HHAT: variants seen among roughly 807,000 people sequenced by gnomAD.
HHAT encodes protein-cysteine N-palmitoyltransferase HHAT.
Under a neutral mutation model 70.8 loss-of-function variants are expected in HHAT, and 47 were observed. That is an observed-to-expected ratio of 0.66 (90% confidence interval 0.53 to 0.85). The LOEUF (loss-of-function observed/expected upper bound fraction) is 0.85. Among genes scored for constraint, HHAT ranks in the 40% least tolerant of loss-of-function variants. The pLI is 0.00. For synonymous variants in HHAT, 228 were observed against 247.6 expected (o/e 0.92, Z 0.74); for missense variants, 609 against 604.8 (o/e 1.01, Z -0.07).
intron 4 of HHAT, among the ~76,000 whole-genome samples, chr1:210,398,838 A>G (rs2091926356): frequency 6.6e-6 from 1 of 152,170 alleles, no homozygotes; most frequent in South Asian, 2.1e-4. Context: ...GTTTGAAGCA[A>G]ATTTATGTGG....
intron 11 of HHAT, among the ~76,000 whole-genome samples, chr1:210,673,755 CTTATTTATTATTTAT>C (rs1256119298): frequency 1.4e-3 from 100 of 70,580 alleles, no homozygotes; most frequent in South Asian, 9.9e-3. Flanking sequence ...CCATGCCTGG[CTTATTTATTATTTAT>C]TTATTTATTT....
At chr1:210,508,049 A>G (rs903638728) in intron 8 of HHAT, among the ~76,000 whole-genome samples, 10 of 151,780 alleles carry the variant, frequency 6.6e-5, no homozygotes, top group Non-Finnish European at 1.5e-4. Context: ...AATACAAAAA[A>G]TTAGCCAGGT....
intron 7 of HHAT, among the ~76,000 whole-genome samples, chr1:210,445,874 G>C (rs558927201): frequency 6.2e-5 from 9 of 144,392 alleles, no homozygotes; most frequent in African/African-American, 2.4e-4. Flanking sequence ...ACAGTTACAG[G>C]CTCTTTTTTT....
intron 10 of HHAT, among the ~76,000 whole-genome samples, chr1:210,605,615 A>G (rs747152967): frequency 1.3e-5 from 2 of 152,206 alleles, no homozygotes; most frequent in African/African-American, 2.4e-5. Context: ...GGCGTGTATT[A>G]TCATTATTCC....
In HHAT at chr1:210,382,193, T is replaced by G. The variant is rs1226755416; in HGVS notation, c.160-5275T>G. On this transcript the variant is annotated intron_variant, in intron 3 of 11. Transcript: ENST00000261458. ...TCCTCATTTGCCAGGAATTTTTTCT[T>G]GTAACTTTCTTCCCTAGTGACATAG... Among the ~76,000 whole-genome samples, 3 of 152,204 alleles carry G rather than the reference T, an allele frequency of 2.0e-5. No individual in the cohort carries two copies. The South Asian group carries it at 6.2e-4, about 32-fold the overall frequency.
At chr1:210,365,812 C>G (rs1411529222) in intron 3 of HHAT, among the ~76,000 whole-genome samples, 1 of 151,944 alleles carries the variant, frequency 6.6e-6, no homozygotes, top group Admixed American at 6.6e-5. Flanking sequence ...GATGGGGTTT[C>G]ACCACGTTGG....
At chr1:210,465,404 A>G (rs2094079259) in intron 8 of HHAT, among the ~76,000 whole-genome samples, 1 of 152,186 alleles carries the variant, frequency 6.6e-6, no homozygotes, top group African/African-American at 2.4e-5. Context: ...CCAGAGTGTA[A>G]CAAGTGACAG....
chr1:210,534,019 C>G (rs568110579), intron 9 of HHAT, among the ~76,000 whole-genome samples: 1 of 152,198 alleles, frequency 6.6e-6, no homozygotes, highest in Admixed American at 6.5e-5. Flanking sequence ...GATGGGGAGC[C>G]AGTGGGGGAA....
At chr1:210,632,329 C>G (rs1434247581) in intron 11 of HHAT, among the ~76,000 whole-genome samples, 1 of 152,148 alleles carries the variant, frequency 6.6e-6, no homozygotes, top group Non-Finnish European at 1.5e-5. Context: ...TATGCGGACA[C>G]ACAAGAAGTG....
intron 8 of HHAT, among the ~76,000 whole-genome samples, chr1:210,466,510 A>T (rs1406236447): frequency 6.6e-6 from 1 of 152,230 alleles, no homozygotes; most frequent in East Asian, 1.9e-4. Flanking sequence ...GGAACATGTC[A>T]CAAGTGTCTG....
At chr1:210,588,676 T>G (rs1242912342) in intron 10 of HHAT, 2 of 152,466 alleles carry the variant, frequency 1.3e-5, no homozygotes, top group Non-Finnish European at 2.9e-5. Context: ...TAAGTGAAAT[T>G]TCCAGGTTCA....
chr1:210,622,805 A>T (rs755820128), intron 10 of HHAT, among the ~76,000 whole-genome samples: 6 of 152,174 alleles, frequency 3.9e-5, no homozygotes, highest in Non-Finnish European at 8.8e-5. Context: ...GGGTCAGTGT[A>T]ACTGGCCCAG....
At chr1:210,616,117 A>G (rs531673021) in intron 10 of HHAT, among the ~76,000 whole-genome samples, 1 of 152,336 alleles carries the variant, frequency 6.6e-6, no homozygotes, top group South Asian at 2.1e-4. Flanking sequence ...CATATTTTGA[A>G]ATGTGTATAC....
At chr1:210,572,070 A>G (rs1359471484) in intron 9 of HHAT, among the ~76,000 whole-genome samples, 1 of 152,162 alleles carries the variant, frequency 6.6e-6, no homozygotes, top group Non-Finnish European at 1.5e-5. Context: ...GTTTCCGTAA[A>G]TGTTACACTG....
intron 8 of HHAT, among the ~76,000 whole-genome samples, chr1:210,496,314 A>G (rs1278046960): frequency 1.3e-5 from 2 of 152,164 alleles, no homozygotes; most frequent in African/African-American, 4.8e-5. Context: ...AGGGCTACTC[A>G]TGACATCTTT....
chr1:210,531,431 GGAA>G (rs1428959559), intron 9 of HHAT, among the ~76,000 whole-genome samples: 7 of 152,144 alleles, frequency 4.6e-5, no homozygotes, highest in Non-Finnish European at 7.3e-5. Flanking sequence ...AAGAGGACGA[GGAA>G]GAAGAGGAAC....
Position 210,516,099 on chromosome 1 carries a change from T to C in HHAT, c.1043+2911T>C, listed in dbSNP as rs532307837. Among the ~76,000 whole-genome samples, 249 of 151,932 alleles carry C rather than the reference T, an allele frequency of 1.6e-3. 2 individuals carry two copies. Among genetic ancestry groups the C allele is most frequent in the African/African-American group, 5.7e-3 (235 of 41,438 alleles). On this transcript the variant is annotated intron_variant, in intron 9 of 11. Coordinates refer to ENST00000261458, the MANE Select transcript of HHAT (RefSeq NM_018194.6). Reference sequence around the variant, plus strand: ...GAAAAAGAAAAAAAAAGGTATTTTCTGCCCCCAGCTTGGGAGGGAAGTCAA... The same window carrying C: ...GAAAAAGAAAAAAAAAGGTATTTTCCGCCCCCAGCTTGGGAGGGAAGTCAA...
At chr1:210,449,679 C>T (rs2093708734) in intron 7 of HHAT, among the ~76,000 whole-genome samples, 1 of 152,152 alleles carries the variant, frequency 6.6e-6, no homozygotes, top group East Asian at 1.9e-4. Flanking sequence ...TAAACTGTTA[C>T]TAATTTTGTG....
intron 11 of HHAT, among the ~76,000 whole-genome samples, chr1:210,631,609 T>C (rs976745828): frequency 1.3e-5 from 2 of 152,228 alleles, no homozygotes; most frequent in African/African-American, 2.4e-5. Flanking sequence ...TCATTTTGTT[T>C]TGGCACACAA....
Sources: gnomAD v4.1 joint callset for allele counts (sites outside exome capture counted in the v4.1 genomes callset) on GRCh38, gnomAD v4.1.1 for gene constraint, MANE v1.5 for transcripts, NCBI Gene and HGNC (gene_info 2026-07-23, HGNC 2026-07-21) for gene names.